GJB6: variants seen among roughly 807,000 people sequenced by gnomAD.
GJB6 encodes gap junction protein beta 6.
In GJB6, 5 loss-of-function variants were observed where a neutral mutation model predicts 5.4. That is an observed-to-expected ratio of 0.92 (90% CI 0.48 to 1.93). The LOEUF (loss-of-function observed/expected upper bound fraction) is 1.93. Among genes scored for constraint, GJB6 ranks in the 30% most tolerant of loss-of-function variants. The probability of loss-of-function intolerance (pLI) is 0.01; values close to 1 mark genes in which losing one functional copy is unlikely to be tolerated. For missense variants in GJB6, 298 were observed against 326.9 expected (o/e 0.91, Z 0.68); for synonymous variants, 136 against 129.6 (o/e 1.05, Z -0.34).
Position 20,223,433 on chromosome 13 carries a change from G to A in GJB6, c.48C>T (p.His16=), listed in dbSNP as rs1869364806. Residue 16 remains histidine, a synonymous_variant, in exon 5 of 5, where the codon CAC becomes CAT. Coordinates refer to ENST00000647029, the MANE Select transcript of GJB6 (RefSeq NM_001110219.3). The part of the protein sequence containing the change: ...LHTFIGGVNK[H]STSIGKVWIT... ...TCCACACCTTCCCGATGCTGGTGGA[G>A]TGTTTGTTGACACCCCCGATGAAAG... 1.9e-6 allele frequency: 3 copies of A among 1,614,014 alleles called. No homozygotes were observed. The highest frequency in any genetic ancestry group is 1.7e-5 in the Admixed American group (1 of 60,002).
intron 4 of GJB6, among the ~76,000 whole-genome samples, chr13:20,227,125 T>A (rs1272850078): frequency 1.3e-5 from 2 of 152,064 alleles, no homozygotes; most frequent in Non-Finnish European, 2.9e-5. Context: ...AGCTTTGGGC[T>A]TCTCCCTGTT....
rs1290630579 is a variant in GJB6 at position 20,229,764 on chromosome 13, A to G, written c.-185-15T>C. On this transcript the variant is annotated splice_polypyrimidine_tract_variant and intron_variant, in intron 3 of 4. Coordinates refer to ENST00000647029, the MANE Select transcript of GJB6 (RefSeq NM_001110219.3). ...GAGGATGTCGCCTGTTGAGGGAAAA[A>G]TAGTAGCTGTTGCCATATTCCTTTA... 1 of 151,022 alleles carries G rather than the reference A, an allele frequency of 6.6e-6. No homozygotes were observed. Among genetic ancestry groups the G allele is most frequent in the Non-Finnish European group, 1.5e-5 (1 of 67,840 alleles). 9.4% of individuals were successfully genotyped at this position (151,022 alleles called of 1,614,324 possible). A position where few individuals can be genotyped will look rare whatever the true frequency, so the allele number is the denominator to read the frequency against.
chr13:20,231,678 G>C (rs566471842), intron 1 of GJB6, among the ~76,000 whole-genome samples, 173 bp from the exon 2 acceptor site: 18 of 152,272 alleles, frequency 1.2e-4, no homozygotes, highest in Admixed American at 5.2e-4. Flanking sequence ...CCTAGACCTG[G>C]CTTTCTTCTC....
At position 20,223,266 on chromosome 13, in the gene GJB6, G is replaced by A. The variant is rs763435578; in HGVS notation, c.215C>T (p.Ser72Phe). The A allele has an allele frequency of 1.2e-6, 2 of 1,611,962 alleles. No homozygotes were observed. The highest frequency in any genetic ancestry group is 2.7e-5 in the African/African-American group (2 of 74,882). The change falls in exon 5 of 5, where the codon TCC becomes TTC. Residue 72 changes from serine to phenylalanine, a missense_variant. Ser to Phe is a radical substitution (Grantham distance 155, BLOSUM62 -2). Coordinates refer to ENST00000647029, the MANE Select transcript of GJB6 (RefSeq NM_001110219.3). The stretch of plus-strand genomic sequence containing the variant: ...CTGGAGGGCCCACAGCCGGATGTGG[G>A]ACACCGGGAAAAAGTGGTCATAGCA... ...NVCYDHFFPV[S>F]HIRLWALQLI...
Position 20,222,572 on chromosome 13 carries a change from T to C in GJB6, c.*123A>G. The C allele has an allele frequency of 2.5e-6, 2 of 795,254 alleles. No individual in the cohort carries two copies. The highest frequency in any genetic ancestry group is 4.4e-6 in the Non-Finnish European group (2 of 456,956). The allele number at this position is 795,254 out of a possible 1,614,324, so 49.3% of individuals were successfully genotyped here. A position where few individuals can be genotyped will look rare whatever the true frequency, so the allele number is the denominator to read the frequency against. ...ATCCTACAAAAAGTTAACTCAAGTG[T>C]CTATTTATTATGAAAGTCATTTACA... On this transcript the variant is annotated 3_prime_UTR_variant, in exon 5 of 5. Transcript: ENST00000647029.
chr13:20,225,282 T>C (rs1869502644), intron 4 of GJB6: 2 of 152,382 alleles, frequency 1.3e-5, no homozygotes, highest in Admixed American at 6.5e-5. Context: ...TCCACGGCAC[T>C]TGTCTTTCTG....
chr13:20,228,641 A>C (rs113606108), intron 4 of GJB6, among the ~76,000 whole-genome samples: 7,800 of 150,260 alleles, frequency 0.052, 309 homozygotes, highest in African/African-American at 0.093. Context: ...CCTGCCACCA[A>C]GCCCGGCTAA....
At chr13:20,226,048 G>A (rs1869555049) in intron 4 of GJB6, among the ~76,000 whole-genome samples, 2 of 152,128 alleles carry the variant, frequency 1.3e-5, no homozygotes, top group South Asian at 4.2e-4. Flanking sequence ...GGAAGGGTGG[G>A]CTCTTTCCAT....
At chr13:20,224,532 A>C (rs559690727) in intron 4 of GJB6, among the ~76,000 whole-genome samples, 5 of 152,278 alleles carry the variant, frequency 3.3e-5, no homozygotes, top group African/African-American at 9.6e-5. Flanking sequence ...GCAGCCGAGG[A>C]GGGGATCTGC....
chr13:20,222,494 G>C lies in GJB6; in HGVS notation c.*201C>G, dbSNP rs1869238500. The C allele has an allele frequency of 5.1e-6, 3 of 593,988 alleles. No individual in the cohort carries two copies. Among genetic ancestry groups the C allele is most frequent in the Non-Finnish European group, 9.0e-6 (3 of 334,610 alleles). The allele number at this position is 593,988 out of a possible 1,614,324, so 36.8% of individuals were successfully genotyped here. ...ATGCTCCTTTGTCAAGCAGTCTCTT[G>C]TTTTCAGAGATGGACCACATATTTG... On this transcript the variant is annotated 3_prime_UTR_variant, in exon 5 of 5. Transcript: ENST00000647029.
chr13:20,223,498 A>G lies in GJB6; in HGVS notation c.-15-3T>C. On this transcript the variant is annotated splice_polypyrimidine_tract_variant and splice_region_variant and intron_variant, in intron 4 of 4. Coordinates refer to ENST00000647029, the MANE Select transcript of GJB6 (RefSeq NM_001110219.3). ...CAATCCATTGCGCTGGTTTATCCCT[A>G]AACAGACAAAAGTGGGCAAAGGTTT... 6.2e-7 allele frequency: 1 copy of G among 1,612,484 alleles called. No homozygotes were observed.
At chr13:20,226,008 G>A (rs1471058496) in intron 4 of GJB6, among the ~76,000 whole-genome samples, 1 of 152,182 alleles carries the variant, frequency 6.6e-6, no homozygotes, top group Non-Finnish European at 1.5e-5. Context: ...GAAGGGAACA[G>A]AGTGCTGGGC....
chr13:20,223,993 T>C (rs1416174274), intron 4 of GJB6, among the ~76,000 whole-genome samples: 1 of 152,106 alleles, frequency 6.6e-6, no homozygotes. Context: ...TATCATGTTT[T>C]TGGTCAGAAA....
chr13:20,226,965 C>A (rs1401114778), intron 4 of GJB6, among the ~76,000 whole-genome samples: 2 of 152,132 alleles, frequency 1.3e-5, no homozygotes. Flanking sequence ...GTGGTCCAAC[C>A]TTCTAGGAAG....
Position 20,229,315 on chromosome 13 carries a change from ATTTTTTTTTTTTTTTTTTT to A in GJB6, c.-16+246_-16+264del, listed in dbSNP as rs60451416. The stretch of plus-strand genomic sequence containing the variant: ...AGGCATATGCCACCATACCTGGTTA[ATTTTTTTTTTTTTTTTTTT>A]TTTTTTTTTTTTAGTAGTGACAGGG... On this transcript the variant is annotated intron_variant, in intron 4 of 4. Transcript: ENST00000647029. Among the ~76,000 whole-genome samples the A allele has an allele frequency of 3.3e-4, 18 of 55,274 alleles. No homozygotes were observed. The Admixed American group carries it at 4.4e-3, about 13-fold the overall frequency. The allele number at this position is 55,274 out of a possible 152,430, so 36.3% of individuals were successfully genotyped here.
chr13:20,223,601 A>C, intron 4 of GJB6, 106 bp from the exon 5 acceptor site: 1 of 882,308 alleles, frequency 1.1e-6, no homozygotes, highest in South Asian at 1.3e-5. Flanking sequence ...GTAGGCTGTG[A>C]TACTTTACAA....
At chr13:20,225,110 C>G (rs1869488082) in intron 4 of GJB6, among the ~76,000 whole-genome samples, 1 of 152,250 alleles carries the variant, frequency 6.6e-6, no homozygotes, top group Non-Finnish European at 1.5e-5. Flanking sequence ...AGTCCGACTC[C>G]TAGTTCCGTT....
chr13:20,224,627 CA>C (rs1254590561), intron 4 of GJB6, among the ~76,000 whole-genome samples: 1 of 152,206 alleles, frequency 6.6e-6, no homozygotes, highest in Admixed American at 6.5e-5. Context: ...CAGCTATGGA[CA>C]CTTTTGCTAT....
Position 20,223,268 on chromosome 13 carries a change from C to T in GJB6, c.213G>A (p.Val71=), listed in dbSNP as rs1183496095. Residue 71 remains valine, a synonymous_variant, in exon 5 of 5, where the codon GTG becomes GTA. Coordinates refer to ENST00000647029, the MANE Select transcript of GJB6 (RefSeq NM_001110219.3). Reference sequence around the variant, plus strand: ...GGAGGGCCCACAGCCGGATGTGGGACACCGGGAAAAAGTGGTCATAGCACA... The same window carrying T: ...GGAGGGCCCACAGCCGGATGTGGGATACCGGGAAAAAGTGGTCATAGCACA... ...KNVCYDHFFP[V]SHIRLWALQL... is the part of the protein sequence containing the mutation. 6.2e-7 allele frequency: 1 copy of T among 1,612,008 alleles called. No homozygotes were observed. Among genetic ancestry groups the T allele is most frequent in the East Asian group, 2.2e-5 (1 of 44,840 alleles).
Sources: gnomAD v4.1 joint callset for allele counts (sites outside exome capture counted in the v4.1 genomes callset) on GRCh38, gnomAD v4.1.1 for gene constraint, MANE v1.5 for transcripts, NCBI Gene and HGNC (gene_info 2026-07-23, HGNC 2026-07-21) for gene names.